Variants in MAN1A1 observed in about 807,000 individuals in gnomAD.
MAN1A1 encodes the protein mannosidase alpha class 1A member 1.
MAN1A1 carries 29 observed loss-of-function variants against 70.8 expected under a neutral mutation model. The observed-to-expected ratio is 0.41, with a 90% CI of 0.31 to 0.56. The LOEUF is 0.56. Among genes scored for constraint, MAN1A1 ranks in the 20% least tolerant of loss-of-function variants. The probability of loss-of-function intolerance (pLI) is 0.29; values close to 1 mark genes in which losing one functional copy is unlikely to be tolerated. For synonymous variants in MAN1A1, 349 were observed against 330.1 expected (o/e 1.06, Z -0.62); for missense variants, 747 against 841.3 (o/e 0.89, Z 1.39).
At chr6:119,291,385 G>C (rs1295564875) in intron 4 of MAN1A1, among the ~76,000 whole-genome samples, 4 of 151,840 alleles carry the variant, frequency 2.6e-5, no homozygotes, top group African/African-American at 9.7e-5. Context: ...TGTGAAAACG[G>C]ACTAATGCAA....
At chr6:119,208,367 G>T (rs1773944216) in intron 6 of MAN1A1, among the ~76,000 whole-genome samples, 1 of 152,038 alleles carries the variant, frequency 6.6e-6, no homozygotes, top group African/African-American at 2.4e-5. Flanking sequence ...TATTTAAAAA[G>T]AAATATATCA....
chr6:119,194,544 C>G (rs1773517846), intron 8 of MAN1A1, among the ~76,000 whole-genome samples: 1 of 152,074 alleles, frequency 6.6e-6, no homozygotes, highest in African/African-American at 2.4e-5. Flanking sequence ...AGCTGATATA[C>G]AACTCCTGGC....
rs1183989399 is a variant in MAN1A1 at position 119,293,379 on chromosome 6, T to C, written c.817-2616A>G. On this transcript the variant is annotated intron_variant, in intron 4 of 12. Coordinates refer to ENST00000368468, the MANE Select transcript of MAN1A1 (RefSeq NM_005907.4). ...TGAGAAATGACCCTGCAAGGTGCCA[T>C]ACTCAAGGTCACTTGCTATGGCTTT... Among the ~76,000 whole-genome samples the C allele has an allele frequency of 2.0e-5, 3 of 152,240 alleles. No individual in the cohort carries two copies. The East Asian group carries it at 5.8e-4, about 29-fold the overall frequency.
intron 2 of MAN1A1, among the ~76,000 whole-genome samples, chr6:119,347,522 G>C (rs1018475164): frequency 3.9e-5 from 6 of 152,168 alleles, no homozygotes; most frequent in African/African-American, 1.4e-4. Context: ...GTTTCACACA[G>C]GGAAGTAGCT....
At position 119,346,835 on chromosome 6, in the gene MAN1A1, G is replaced by A. The variant is rs62418672; in HGVS notation, c.603+1628C>T. Among the ~76,000 whole-genome samples, 113 of 152,320 alleles carry A rather than the reference G, an allele frequency of 7.4e-4. 1 individual carries two copies. Among genetic ancestry groups the A allele is most frequent in the Middle Eastern group, 3.4e-3 (1 of 294 alleles). ...AGGCATGAAATGTATGAATTACACC[G>A]TTCAAATTTAACAGAAACACAGGCA... On this transcript the variant is annotated intron_variant, in intron 2 of 12. Coordinates refer to ENST00000368468, the MANE Select transcript of MAN1A1 (RefSeq NM_005907.4).
intron 6 of MAN1A1, among the ~76,000 whole-genome samples, chr6:119,207,754 C>T (rs528901028): frequency 5.6e-4 from 86 of 152,238 alleles, no homozygotes; most frequent in African/African-American, 2.0e-3. Context: ...ATTTGACACT[C>T]AAATGGGGGG....
rs1017799566 is a variant in MAN1A1 at position 119,178,187 on chromosome 6, C to T, written c.*1632G>A. The T allele has an allele frequency of 1.3e-5, 2 of 151,974 alleles. No homozygotes were observed. Among genetic ancestry groups the T allele is most frequent in the African/African-American group, 2.4e-5 (1 of 41,392 alleles). 9.4% of individuals were successfully genotyped at this position (151,974 alleles called of 1,614,324 possible). On this transcript the variant is annotated 3_prime_UTR_variant, in exon 13 of 13. Transcript: ENST00000368468. ...AGCAGGTCATAAAGATGGTCCTGTC[C>T]GATAAAGGAAATCTTTTAAAACACT...
chr6:119,225,212 A>G (rs1774473229), intron 6 of MAN1A1, among the ~76,000 whole-genome samples: 1 of 152,074 alleles, frequency 6.6e-6, no homozygotes, highest in Admixed American at 6.6e-5. Flanking sequence ...AGCTTTGGAG[A>G]CTTGTGAAAT....
intron 5 of MAN1A1, among the ~76,000 whole-genome samples, chr6:119,289,816 T>C (rs561367170): frequency 1.3e-5 from 2 of 152,162 alleles, no homozygotes; most frequent in African/African-American, 4.8e-5. Context: ...CTTAAATCTG[T>C]TTGAAGGAGC....
At chr6:119,180,688 A>G (rs1006488048) in intron 11 of MAN1A1, among the ~76,000 whole-genome samples, 5 of 151,666 alleles carry the variant, frequency 3.3e-5, no homozygotes, top group African/African-American at 4.8e-5. Context: ...AATTTTTTGT[A>G]TTTTTTGTAG....
At chr6:119,230,176 G>C (rs764564260) in intron 6 of MAN1A1, among the ~76,000 whole-genome samples, 12 of 152,140 alleles carry the variant, frequency 7.9e-5, no homozygotes, top group Non-Finnish European at 1.6e-4. Context: ...TGTGTTTTTG[G>C]GAAAAGGTAA....
At chr6:119,255,533 T>C (rs2114339983) in intron 5 of MAN1A1, among the ~76,000 whole-genome samples, 1 of 152,326 alleles carries the variant, frequency 6.6e-6, no homozygotes, top group Admixed American at 6.5e-5. Context: ...TTGAAAGATT[T>C]AAATATCAGA....
chr6:119,258,977 T>C (rs192755026), intron 5 of MAN1A1, among the ~76,000 whole-genome samples: 1 of 152,296 alleles, frequency 6.6e-6, no homozygotes, highest in Admixed American at 6.5e-5. Flanking sequence ...AAGATGGTTA[T>C]AATTAAAGGA....
chr6:119,220,353 A>T (rs1774325767), intron 6 of MAN1A1, among the ~76,000 whole-genome samples: 1 of 152,180 alleles, frequency 6.6e-6, no homozygotes, highest in Non-Finnish European at 1.5e-5. Flanking sequence ...TTAAAGATAC[A>T]TTGATTAAAT....
intron 6 of MAN1A1, among the ~76,000 whole-genome samples, chr6:119,217,438 C>T (rs749589915): frequency 2.0e-5 from 3 of 152,128 alleles, no homozygotes; most frequent in Non-Finnish European, 4.4e-5. Context: ...TGCACCACCA[C>T]GCCTGGCTAA....
chr6:119,227,070 C>T (rs561901916), intron 6 of MAN1A1, among the ~76,000 whole-genome samples: 12 of 152,196 alleles, frequency 7.9e-5, no homozygotes, highest in African/African-American at 2.9e-4. Context: ...TATATTCATA[C>T]AATGAAATAC....
chr6:119,215,559 T>G (rs1478741558), intron 6 of MAN1A1, among the ~76,000 whole-genome samples: 1 of 152,194 alleles, frequency 6.6e-6, no homozygotes, highest in Non-Finnish European at 1.5e-5. Flanking sequence ...TGAAATGAAC[T>G]GTTGAGAAAT....
intron 5 of MAN1A1, among the ~76,000 whole-genome samples, chr6:119,277,557 C>T (rs1224802688): frequency 6.6e-6 from 1 of 152,078 alleles, no homozygotes; most frequent in East Asian, 1.9e-4. Context: ...GGCAGTGGCT[C>T]ACATCTATAG....
At chr6:119,216,388 G>A (rs965920300) in intron 6 of MAN1A1, among the ~76,000 whole-genome samples, 4 of 152,180 alleles carry the variant, frequency 2.6e-5, no homozygotes, top group Middle Eastern at 3.2e-3. Flanking sequence ...GAACTGGAGC[G>A]ATGTTCGGGA....
Sources: allele counts gnomAD v4.1 joint callset (sites outside exome capture counted in the v4.1 genomes callset), GRCh38; gene constraint gnomAD v4.1.1; transcripts MANE v1.5; gene names NCBI Gene and HGNC (gene_info 2026-07-23, HGNC 2026-07-21).